CHSY3: variants seen among roughly 807,000 people sequenced by gnomAD.
The protein encoded by CHSY3 is N-acetylgalactosaminyl-proteoglycan 3-beta-glucuronosyltransferase 3.
In CHSY3, 35 loss-of-function variants were observed where a neutral mutation model predicts 67.2. That is an observed-to-expected ratio of 0.52 (90% CI 0.40 to 0.69). The LOEUF is 0.69. Ranked by LOEUF, CHSY3 falls within the 30% of genes least tolerant of loss-of-function variation. The pLI, the probability that CHSY3 is intolerant of heterozygous loss-of-function variation, is 0.00. For missense variants in CHSY3, 1,069 were observed against 1,138.5 expected (o/e 0.94, Z 0.88); for synonymous variants, 474 against 434.7 (o/e 1.09, Z -1.12).
At chr5:130,150,221 C>G (rs948247021) in intron 2 of CHSY3, among the ~76,000 whole-genome samples, 2 of 151,768 alleles carry the variant, frequency 1.3e-5, no homozygotes, top group Admixed American at 6.6e-5. Flanking sequence ...ATTCCAATAA[C>G]GGGGAAAAAT....
chr5:130,136,957 C>T (rs966743199), intron 2 of CHSY3, among the ~76,000 whole-genome samples: 1 of 152,060 alleles, frequency 6.6e-6, no homozygotes, highest in Non-Finnish European at 1.5e-5. Flanking sequence ...GCCTCATGTG[C>T]CTTCAAAATT....
chr5:130,123,705 A>T (rs779300879), intron 2 of CHSY3, among the ~76,000 whole-genome samples: 5 of 152,172 alleles, frequency 3.3e-5, no homozygotes, highest in Non-Finnish European at 7.3e-5. Context: ...AGACACAATC[A>T]GTGCCCTAAA....
chr5:130,098,226 C>T, intron 2 of CHSY3, among the ~76,000 whole-genome samples: 1 of 152,182 alleles, frequency 6.6e-6, no homozygotes, highest in East Asian at 1.9e-4. Flanking sequence ...CTTACCCCCT[C>T]CTTAATCTCT....
chr5:130,007,822 T>A (rs1763919495), intron 2 of CHSY3, among the ~76,000 whole-genome samples: 1 of 152,128 alleles, frequency 6.6e-6, no homozygotes, highest in African/African-American at 2.4e-5. Context: ...CCCATGGGAT[T>A]GGGCCAATCT....
intron 2 of CHSY3, among the ~76,000 whole-genome samples, chr5:129,996,178 C>A (rs982631946): frequency 6.6e-6 from 1 of 152,086 alleles, no homozygotes; most frequent in Non-Finnish European, 1.5e-5. Context: ...CTGGGAAGTG[C>A]CTAACAACAG....
chr5:129,966,803 G>A (rs570573192), intron 2 of CHSY3, among the ~76,000 whole-genome samples: 2 of 151,772 alleles, frequency 1.3e-5, no homozygotes, highest in South Asian at 4.2e-4. Context: ...CTTGAAAAGG[G>A]AATGAAAAAA....
intron 2 of CHSY3, among the ~76,000 whole-genome samples, chr5:129,997,708 C>A (rs1353657940): frequency 1.3e-5 from 2 of 152,028 alleles, no homozygotes; most frequent in Non-Finnish European, 2.9e-5. Context: ...CGCCCTGTGT[C>A]CAAGTGTTCT....
intron 2 of CHSY3, among the ~76,000 whole-genome samples, chr5:129,929,515 C>G (rs1009836467): frequency 1.3e-5 from 2 of 152,108 alleles, no homozygotes; most frequent in Non-Finnish European, 2.9e-5. Flanking sequence ...GGGCTGTATT[C>G]TGAAAACTCA....
intron 2 of CHSY3, among the ~76,000 whole-genome samples, chr5:130,050,640 G>A (rs1765313976): frequency 6.6e-6 from 1 of 152,066 alleles, no homozygotes; most frequent in East Asian, 1.9e-4. Context: ...TGAAAAGAAC[G>A]TGGGCACTGC....
rs747842658 is a variant in CHSY3, at chr5:130,050,773, CAT to C, written c.1087-133453_1087-133452del. On this transcript the variant is annotated intron_variant, in intron 2 of 2. Transcript: ENST00000305031. Reference sequence around the variant, plus strand: ...CAATATGGGTACTCATCTACGCATACATATGAGTCAGCTAGACTCAGCAAGGT... The same window carrying C: ...CAATATGGGTACTCATCTACGCATACATGAGTCAGCTAGACTCAGCAAGGT... Among the ~76,000 whole-genome samples, 147 of 152,180 alleles carry C rather than the reference CAT, an allele frequency of 9.7e-4. 1 individual carries two copies. The highest frequency in any genetic ancestry group is 4.7e-3 in the Admixed American group (72 of 15,240).
intron 2 of CHSY3, among the ~76,000 whole-genome samples, chr5:130,105,297 A>T (rs138897288): frequency 7.4e-4 from 113 of 151,854 alleles, no homozygotes; most frequent in African/African-American, 2.4e-3. Flanking sequence ...ATGTTTAAAC[A>T]TATAATTTAG....
At chr5:130,054,117 G>T (rs1012341509) in intron 2 of CHSY3, among the ~76,000 whole-genome samples, 2 of 152,006 alleles carry the variant, frequency 1.3e-5, no homozygotes, top group Non-Finnish European at 2.9e-5. Context: ...TTACTTTCAC[G>T]CTTTGTATCT....
chr5:129,942,921 C>A (rs1761741223), intron 2 of CHSY3, among the ~76,000 whole-genome samples: 2 of 152,080 alleles, frequency 1.3e-5, no homozygotes, highest in African/African-American at 4.8e-5. Flanking sequence ...AACCAAAATT[C>A]TTCTTTAGAG....
At chr5:129,984,488 A>G (rs538609491) in intron 2 of CHSY3, among the ~76,000 whole-genome samples, 1 of 152,236 alleles carries the variant, frequency 6.6e-6, no homozygotes, top group South Asian at 2.1e-4. Context: ...TATGACACAC[A>G]CATTCATGTG....
At chr5:129,919,820 A>G (rs1367994799) in intron 2 of CHSY3, among the ~76,000 whole-genome samples, 3 of 152,246 alleles carry the variant, frequency 2.0e-5, no homozygotes, top group African/African-American at 4.8e-5. Context: ...TTCTTATTAT[A>G]TATTAACAAG....
chr5:129,959,825 C>CA, intron 2 of CHSY3, among the ~76,000 whole-genome samples: 1 of 151,920 alleles, frequency 6.6e-6, no homozygotes, highest in African/African-American at 2.4e-5. Context: ...TTTTCTTTTT[C>CA]CTTTTATTGC....
At position 130,127,654 on chromosome 5, in the gene CHSY3, CAGTCACAA is replaced by C. The variant is rs1472325473; in HGVS notation, c.1087-56572_1087-56565del. ...TAAGTCATAAATTAGGAAAACTAAA[CAGTCACAA>C]AGGTAATAAGAACTCAAACTTAGGT... On this transcript the variant is annotated intron_variant, in intron 2 of 2. Coordinates refer to ENST00000305031, the MANE Select transcript of CHSY3 (RefSeq NM_175856.5). 2.0e-5 allele frequency among the ~76,000 whole-genome samples: 3 copies of C among 152,136 alleles called. No homozygotes were observed. In the East Asian group the frequency reaches 5.8e-4, roughly 29 times the overall value.
chr5:130,049,404 T>C (rs891256937), intron 2 of CHSY3, among the ~76,000 whole-genome samples: 15 of 152,084 alleles, frequency 9.9e-5, no homozygotes, highest in African/African-American at 3.4e-4. Flanking sequence ...ATTAAAGCTC[T>C]TTCCCCTTTT....
intron 2 of CHSY3, among the ~76,000 whole-genome samples, chr5:130,127,931 A>G (rs1768346412): frequency 6.6e-6 from 1 of 152,172 alleles, no homozygotes; most frequent in African/African-American, 2.4e-5. Flanking sequence ...TCAACCAAGT[A>G]AGGAAGTATG....
Sources: allele counts gnomAD v4.1 joint callset (sites outside exome capture counted in the v4.1 genomes callset), GRCh38; gene constraint gnomAD v4.1.1; transcripts MANE v1.5; gene names NCBI Gene and HGNC (gene_info 2026-07-23, HGNC 2026-07-21).